Variants in HHAT observed in about 807,000 individuals in gnomAD.
HHAT encodes the protein hedgehog acyltransferase, also known as protein-cysteine N-palmitoyltransferase HHAT.
A neutral mutation model predicts 70.8 loss-of-function variants in HHAT; 47 were observed. The ratio of observed to expected loss-of-function variants is 0.66; its 90% confidence interval spans 0.53 to 0.85. HHAT has a LOEUF of 0.85. Ranked by LOEUF, HHAT falls within the 40% of genes least tolerant of loss-of-function variation. The probability of loss-of-function intolerance (pLI) is 0.00; values close to 1 mark genes in which losing one functional copy is unlikely to be tolerated. For missense variants in HHAT, 609 were observed against 604.8 expected, an observed-to-expected ratio of 1.01 and a Z score of -0.07; for synonymous variants, 228 against 247.6, an observed-to-expected ratio of 0.92 and a Z score of 0.74.
At chr1:210,389,835 A>G (rs2091333907) in intron 4 of HHAT, among the ~76,000 whole-genome samples, 1 of 152,210 alleles carries the variant, frequency 6.6e-6, no homozygotes, top group Admixed American at 6.5e-5. Context: ...AGCTCTCATG[A>G]TCCAATTGCC....
rs144611322 is a variant in HHAT, at chr1:210,394,869, G to A, written c.274-5599G>A. Among the ~76,000 whole-genome samples, 528 of 152,240 alleles carry A rather than the reference G, an allele frequency of 3.5e-3. 5 individuals carry two copies. Among genetic ancestry groups the A allele is most frequent in the African/African-American group, 0.012 (482 of 41,528 alleles). The stretch of plus-strand genomic sequence containing the variant: ...GCCCCTTCTACCTCCATCAGTGCAT[G>A]TCTAAGGAGGGATGAAATTCCTTTT... On this transcript the variant is annotated intron_variant, in intron 4 of 11. Coordinates refer to ENST00000261458, the MANE Select transcript of HHAT (RefSeq NM_018194.6).
At chr1:210,610,199 T>C (rs1046959043) in intron 10 of HHAT, among the ~76,000 whole-genome samples, 1 of 152,220 alleles carries the variant, frequency 6.6e-6, no homozygotes, top group Non-Finnish European at 1.5e-5. Flanking sequence ...TTTTGACTTT[T>C]TTATAATTGC....
intron 9 of HHAT, among the ~76,000 whole-genome samples, chr1:210,561,483 T>G (rs1373574310): frequency 6.6e-6 from 1 of 152,164 alleles, no homozygotes; most frequent in Non-Finnish European, 1.5e-5. Context: ...AATGGGGGTT[T>G]TCTACCTCAT....
rs749015922 is a variant in HHAT at position 210,418,160 on chromosome 1, C to A, written c.691C>A (p.Gln231Lys). 5.0e-6 allele frequency: 8 copies of A among 1,614,098 alleles called. No individual in the cohort carries two copies. Among genetic ancestry groups the A allele is most frequent in the Middle Eastern group, 1.6e-4 (1 of 6,062 alleles). Residue 231 changes from glutamine (Q) to lysine (K), a missense_variant, in exon 7 of 12, where the codon CAG (glutamine) becomes AAG (lysine). Transcript: ENST00000261458. ...TCTTTTGTTTCCACTTTAGATGCAG[C>A]AGCAGGAGCATGACTCCCTGAAGGC... ...SFSEFIKQMQ[Q>K]QEHDSLKASL...
At chr1:210,382,871 G>A (rs1298127289) in intron 3 of HHAT, among the ~76,000 whole-genome samples, 2 of 152,180 alleles carry the variant, frequency 1.3e-5, no homozygotes, top group African/African-American at 2.4e-5. Flanking sequence ...ACAGGGACAA[G>A]CATGAGTAGA....
chr1:210,442,793 T>C (rs1294541287), intron 7 of HHAT, among the ~76,000 whole-genome samples: 7 of 152,078 alleles, frequency 4.6e-5, no homozygotes, highest in African/African-American at 9.7e-5. Context: ...TTCTCCCATT[T>C]TGTAGGCTGC....
chr1:210,622,640 C>G (rs1669061956), intron 10 of HHAT, among the ~76,000 whole-genome samples: 1 of 152,216 alleles, frequency 6.6e-6, no homozygotes, highest in Non-Finnish European at 1.5e-5. Context: ...CGCCGATACA[C>G]TTCATCCTCA....
chr1:210,498,422 G>A (rs1444251956), intron 8 of HHAT, among the ~76,000 whole-genome samples: 1 of 152,192 alleles, frequency 6.6e-6, no homozygotes, highest in East Asian at 1.9e-4. Flanking sequence ...TTCAGTGGGA[G>A]AGGAATTTAG....
chr1:210,562,657 CT>C (rs889666030), intron 9 of HHAT, among the ~76,000 whole-genome samples: 52 of 135,642 alleles, frequency 3.8e-4, no homozygotes, highest in East Asian at 2.8e-3. Flanking sequence ...TTTTTCTTTT[CT>C]TTTTTTTTTA....
intron 11 of HHAT, among the ~76,000 whole-genome samples, chr1:210,663,631 C>A (rs779885074): frequency 6.6e-6 from 1 of 152,224 alleles, no homozygotes; most frequent in Non-Finnish European, 1.5e-5. Flanking sequence ...CTGCTCCATG[C>A]GTGAGCACCC....
chr1:210,597,890 C>T (rs1558243583), intron 10 of HHAT, among the ~76,000 whole-genome samples: 2 of 151,720 alleles, frequency 1.3e-5, no homozygotes, highest in East Asian at 3.9e-4. Flanking sequence ...TTTTTTCAAG[C>T]AGAAGGAGTT....
Position 210,674,412 on chromosome 1 carries a change from G to C in HHAT, c.*33G>C. On this transcript the variant is annotated 3_prime_UTR_variant, in exon 12 of 12. Coordinates refer to ENST00000261458, the MANE Select transcript of HHAT (RefSeq NM_018194.6). ...GGGCCCAGGCCAGTCCTTGTTGCTGGCCTCCAAGGCAAATAGTGCTTCACC... is the reference window on the plus strand; with the variant it reads ...GGGCCCAGGCCAGTCCTTGTTGCTGCCCTCCAAGGCAAATAGTGCTTCACC... 1 of 1,553,932 alleles carries C rather than the reference G, an allele frequency of 6.4e-7. No individual in the cohort carries two copies. Among genetic ancestry groups the C allele is most frequent in the African/African-American group, 1.4e-5 (1 of 73,858 alleles).
chr1:210,653,130 TATAC>T (rs113600697), intron 11 of HHAT, among the ~76,000 whole-genome samples: 5,601 of 151,152 alleles, frequency 0.037, 175 homozygotes, highest in African/African-American at 0.074. Context: ...AAAACAGCTT[TATAC>T]ATACATACAT....
chr1:210,557,881 T>TTATGTGGGTGGCCAGGAG (rs1199485838), intron 9 of HHAT, among the ~76,000 whole-genome samples: 1 of 152,090 alleles, frequency 6.6e-6, no homozygotes, highest in Non-Finnish European at 1.5e-5. Context: ...ACTTGGCTGG[T>TTATGTGGGTGGCCAGGAG]TATGTGGGTG....
chr1:210,629,506 C>A (rs890790866), intron 11 of HHAT, among the ~76,000 whole-genome samples: 1 of 152,256 alleles, frequency 6.6e-6, no homozygotes, highest in Non-Finnish European at 1.5e-5. Flanking sequence ...CCTATGGCTA[C>A]TGTAACAAGT....
chr1:210,481,117 G>C (rs1247794625), intron 8 of HHAT, among the ~76,000 whole-genome samples: 1 of 151,846 alleles, frequency 6.6e-6, no homozygotes, highest in Non-Finnish European at 1.5e-5. Context: ...GGCAAAAATA[G>C]AGCAGGATGA....
chr1:210,589,913 G>T (rs1002072786), intron 10 of HHAT: 1 of 151,930 alleles, frequency 6.6e-6, no homozygotes, highest in Non-Finnish European at 1.5e-5. Flanking sequence ...CATTTTTTTG[G>T]CAAAATATTT....
At chr1:210,366,824 C>T (rs1383115828) in intron 3 of HHAT, among the ~76,000 whole-genome samples, 3 of 152,144 alleles carry the variant, frequency 2.0e-5, no homozygotes, top group Non-Finnish European at 4.4e-5. Context: ...TTGGGGCTCA[C>T]GCCTTCCCTG....
intron 9 of HHAT, among the ~76,000 whole-genome samples, chr1:210,524,319 A>T (rs1186851566): frequency 6.6e-6 from 1 of 152,172 alleles, no homozygotes; most frequent in Non-Finnish European, 1.5e-5. Context: ...CCTTGATGTG[A>T]TGGAGGGTGC....
Sources: gnomAD v4.1 joint callset for allele counts (sites outside exome capture counted in the v4.1 genomes callset) on GRCh38, gnomAD v4.1.1 for gene constraint, MANE v1.5 for transcripts, NCBI Gene and HGNC (gene_info 2026-07-23, HGNC 2026-07-21) for gene names.